The following TMEM135 variants were observed in gnomAD, a reference collection of about 807,000 sequenced individuals.
TMEM135 encodes transmembrane protein 135, also known as peroxisomal membrane protein 52.
In TMEM135, 30 loss-of-function variants were observed where a neutral mutation model predicts 60.3. The observed-to-expected ratio is 0.50, with a 90% CI of 0.37 to 0.68. TMEM135 has a LOEUF of 0.68. TMEM135 is among the 30% of genes least tolerant of loss of function. The pLI, the probability that TMEM135 is intolerant of heterozygous loss-of-function variation, is 0.00. For synonymous variants in TMEM135, 190 were observed against 186.7 expected, an observed-to-expected ratio of 1.02 and a Z score of -0.14; for missense variants, 468 against 548.8, an observed-to-expected ratio of 0.85 and a Z score of 1.47.
intron 9 of TMEM135, among the ~76,000 whole-genome samples, chr11:87,306,805 A>G (rs1942552252): frequency 6.6e-6 from 1 of 151,856 alleles, no homozygotes; most frequent in Non-Finnish European, 1.5e-5. Flanking sequence ...TGCAACCACC[A>G]TCTCCTAGGT....
At chr11:87,268,169 C>CTTTTCTTTTCTTTTCTTTTCTTTTTT (rs1554982587) in intron 6 of TMEM135, among the ~76,000 whole-genome samples, 1 of 110,560 alleles carries the variant, frequency 9.0e-6, no homozygotes, top group African/African-American at 3.1e-5. Flanking sequence ...CTTTCCTTTC[C>CTTTTCTTTTCTTTTCTTTTCTTTTTT]TTTCTTTTCT....
intron 4 of TMEM135, among the ~76,000 whole-genome samples, chr11:87,152,983 TCAG>T (rs1190846010): frequency 6.6e-6 from 1 of 152,194 alleles, no homozygotes; most frequent in East Asian, 1.9e-4. Flanking sequence ...CCCACATATA[TCAG>T]TTTCCTTACC....
At chr11:87,264,685 TC>T (rs1941717260) in intron 6 of TMEM135, among the ~76,000 whole-genome samples, 1 of 151,922 alleles carries the variant, frequency 6.6e-6, no homozygotes, top group Non-Finnish European at 1.5e-5. Flanking sequence ...AGCCTTAAGC[TC>T]ACTGTATATA....
intron 5 of TMEM135, among the ~76,000 whole-genome samples, chr11:87,211,872 A>T (rs1409048254): frequency 6.6e-6 from 1 of 151,784 alleles, no homozygotes; most frequent in South Asian, 2.1e-4. Flanking sequence ...TGAACCCGGG[A>T]GGTGGAGCTT....
At position 87,266,514 on chromosome 11, in the gene TMEM135, T is replaced by G. The variant is rs1941750199; in HGVS notation, c.510-29268T>G. Among the ~76,000 whole-genome samples, 4 of 152,194 alleles carry G rather than the reference T, an allele frequency of 2.6e-5. No homozygotes were observed. In the South Asian group the frequency reaches 8.3e-4, roughly 32 times the overall value. Reference sequence around the variant, plus strand: ...GGTTTATTTTCCTGGCCATCAAACTTTAGAATTCTTCAAGGATTGGTTCTA... The same window carrying G: ...GGTTTATTTTCCTGGCCATCAAACTGTAGAATTCTTCAAGGATTGGTTCTA... On this transcript the variant is annotated intron_variant, in intron 6 of 14. Coordinates refer to ENST00000305494, the MANE Select transcript of TMEM135 (RefSeq NM_022918.4).
At chr11:87,128,633 G>A (rs568829921) in intron 4 of TMEM135, among the ~76,000 whole-genome samples, 76 of 152,244 alleles carry the variant, frequency 5.0e-4, no homozygotes, top group African/African-American at 1.7e-3. Flanking sequence ...AATACTAGTA[G>A]GAAATGAACT....
Position 87,163,962 on chromosome 11 carries a change from C to T in TMEM135, c.462+6556C>T, listed in dbSNP as rs1313476582. On this transcript the variant is annotated intron_variant, in intron 5 of 14. Transcript: ENST00000305494. The stretch of plus-strand genomic sequence containing the variant: ...AGCCCTTTGTCAGATGAGTAGGTTG[C>T]GAAAATTTTCTCCCATTTTGTAGGA... Among the ~76,000 whole-genome samples the T allele has an allele frequency of 3.5e-3, 518 of 148,298 alleles. 7 individuals carry two copies. The highest frequency in any genetic ancestry group is 6.9e-3 in the Middle Eastern group (2 of 288).
intron 1 of TMEM135, 55 bp downstream of exon 1, chr11:87,038,241 G>A (rs540091952): frequency 1.2e-6 from 2 of 1,611,354 alleles, no homozygotes; most frequent in East Asian, 2.2e-5. Flanking sequence ...ATGGGCCGGG[G>A]GCTGCAGTTG....
chr11:87,325,175 A>G lies in TMEM135; in HGVS notation c.*3842A>G, dbSNP rs759410749. 2.2e-6 allele frequency: 1 copy of G among 454,038 alleles called. No individual in the cohort carries two copies. The highest frequency in any genetic ancestry group is 4.4e-6 in the Non-Finnish European group (1 of 226,780). 28.1% of individuals were successfully genotyped at this position (454,038 alleles called of 1,614,324 possible). A position where few individuals can be genotyped will look rare whatever the true frequency, so the allele number is the denominator to read the frequency against. On this transcript the variant is annotated 3_prime_UTR_variant, in exon 15 of 15. Transcript: ENST00000305494. ...TTAGATTCTAGGGCTTTGTAGTACT[A>G]TGTTTCTGTTTAAAGTAGTGGCCTC...
At chr11:87,139,749 G>A (rs1029158128) in intron 4 of TMEM135, among the ~76,000 whole-genome samples, 6 of 152,120 alleles carry the variant, frequency 3.9e-5, no homozygotes, top group Non-Finnish European at 5.9e-5. Context: ...AGTGCATGTG[G>A]AGTGGTATCT....
intron 5 of TMEM135, among the ~76,000 whole-genome samples, chr11:87,163,955 T>G (rs1184708149): frequency 2.0e-5 from 3 of 148,830 alleles, no homozygotes; most frequent in African/African-American, 7.5e-5. Context: ...GTCAGATGAG[T>G]AGGTTGCGAA....
chr11:87,166,503 A>C (rs1394386892), intron 5 of TMEM135, among the ~76,000 whole-genome samples: 7 of 151,676 alleles, frequency 4.6e-5, no homozygotes. Context: ...GAAGGGGTCC[A>C]GTTTCAGTTT....
chr11:87,161,337 C>G (rs962545102), intron 5 of TMEM135, among the ~76,000 whole-genome samples: 10 of 152,128 alleles, frequency 6.6e-5, no homozygotes, highest in Non-Finnish European at 5.9e-5. Flanking sequence ...TTTTCTATTT[C>G]TGACAGAAAG....
rs1357087587 is a variant in TMEM135, at chr11:87,323,200, G to A, written c.*1867G>A. On this transcript the variant is annotated 3_prime_UTR_variant, in exon 15 of 15. Coordinates refer to ENST00000305494, the MANE Select transcript of TMEM135 (RefSeq NM_022918.4). ...GTAAAATTTTGCTGGTCAAAAAGGT[G>A]TATTTCTACAATTTACCTTTTCATT... The A allele has an allele frequency of 2.2e-6, 1 of 453,618 alleles. No homozygotes were observed. The highest frequency in any genetic ancestry group is 1.6e-5 in the South Asian group (1 of 64,324). The allele number at this position is 453,618 out of a possible 1,614,324, so 28.1% of individuals were successfully genotyped here.
chr11:87,130,084 A>G (rs1277725207), intron 4 of TMEM135, among the ~76,000 whole-genome samples: 1 of 151,902 alleles, frequency 6.6e-6, no homozygotes, highest in Admixed American at 6.6e-5. Context: ...GTAGCAGGAT[A>G]CGTAATTACA....
Position 87,325,195 on chromosome 11 carries a change from G to A in TMEM135, c.*3862G>A, listed in dbSNP as rs1942895008. 2.2e-6 allele frequency: 1 copy of A among 453,868 alleles called. No homozygotes were observed. The allele number at this position is 453,868 out of a possible 1,614,324, so 28.1% of individuals were successfully genotyped here. A position where few individuals can be genotyped will look rare whatever the true frequency, so the allele number is the denominator to read the frequency against. ...GTACTATGTTTCTGTTTAAAGTAGT[G>A]GCCTCAGGTGACTTTGTAATAGCCC... is the stretch of plus-strand genomic sequence containing the variant. On this transcript the variant is annotated 3_prime_UTR_variant, in exon 15 of 15. Coordinates refer to ENST00000305494, the MANE Select transcript of TMEM135 (RefSeq NM_022918.4).
intron 1 of TMEM135, among the ~76,000 whole-genome samples, chr11:87,060,884 T>C (rs1475965028): frequency 6.6e-6 from 1 of 152,130 alleles, no homozygotes; most frequent in Non-Finnish European, 1.5e-5. Flanking sequence ...CCTCGTGATC[T>C]GCCCGCCTCG....
chr11:87,231,084 A>G (rs1328230371), intron 5 of TMEM135, among the ~76,000 whole-genome samples: 1 of 152,118 alleles, frequency 6.6e-6, no homozygotes, highest in African/African-American at 2.4e-5. Context: ...ACCCAAGCTT[A>G]CTGTCTAGAG....
chr11:87,131,441 G>T (rs1937928563), intron 4 of TMEM135, among the ~76,000 whole-genome samples: 1 of 152,054 alleles, frequency 6.6e-6, no homozygotes, highest in Non-Finnish European at 1.5e-5. Context: ...GGTCTGCTGG[G>T]GATAGGGAAT....
Sources: allele counts gnomAD v4.1 joint callset (sites outside exome capture counted in the v4.1 genomes callset), GRCh38; gene constraint gnomAD v4.1.1; transcripts MANE v1.5; gene names NCBI Gene and HGNC (gene_info 2026-07-23, HGNC 2026-07-21).